RELN: variants seen among roughly 807,000 people sequenced by gnomAD.
The protein encoded by RELN is reelin.
In RELN, 108 loss-of-function variants were observed where a neutral mutation model predicts 427.6. The observed-to-expected ratio is 0.25, with a 90% CI of 0.22 to 0.30. The LOEUF (loss-of-function observed/expected upper bound fraction) is 0.30. Ranked by LOEUF, RELN falls within the 10% of genes least tolerant of loss-of-function variation. The pLI, the probability that RELN is intolerant of heterozygous loss-of-function variation, is 1.00. For synonymous variants in RELN, 1,524 were observed against 1,513.4 expected (o/e 1.01, Z -0.16); for missense variants, 3,715 against 4,302.8 (o/e 0.86, Z 3.82).
intron 1 of RELN, among the ~76,000 whole-genome samples, chr7:103,958,878 T>C (rs1293404813): frequency 6.6e-6 from 1 of 152,208 alleles, no homozygotes; most frequent in Non-Finnish European, 1.5e-5. Context: ...TATTTCCTTT[T>C]CCACTTTACA....
At chr7:103,946,651 T>TTA (rs1796225851) in intron 1 of RELN, among the ~76,000 whole-genome samples, 1 of 152,236 alleles carries the variant, frequency 6.6e-6, no homozygotes, top group Admixed American at 6.5e-5. Flanking sequence ...TACACTTTAC[T>TTA]ATGTCTCTTA....
intron 6 of RELN, among the ~76,000 whole-genome samples, chr7:103,747,171 C>A (rs769842636): frequency 3.8e-4 from 57 of 151,058 alleles, no homozygotes; most frequent in Non-Finnish European, 5.9e-4. Context: ...GGACAAAAAA[C>A]CAAACACCGC....
chr7:103,512,827 A>AGGTG lies in RELN; in HGVS notation c.8120-1826_8120-1823dup, dbSNP rs1829459811. ...CCCAGCATTTCCAGGGAAGCTGAAC[A>AGGTG]GGTGCAGCCGGAGGCTTGGAGCCAC... On this transcript the variant is annotated intron_variant, in intron 50 of 64. Transcript: ENST00000428762. 5 of 152,386 alleles carry AGGTG rather than the reference A, an allele frequency of 3.3e-5. No individual in the cohort carries two copies. In the South Asian group the frequency reaches 1.0e-3, roughly 32 times the overall value. 9.4% of individuals were successfully genotyped at this position (152,386 alleles called of 1,614,324 possible).
chr7:103,989,442 G>T lies in RELN; in HGVS notation c.-86C>A. On this transcript the variant is annotated 5_prime_UTR_variant, in exon 1 of 65. Coordinates refer to ENST00000428762, the MANE Select transcript of RELN (RefSeq NM_005045.4). This position sits in a 1 kb window ranked among gnomAD's most constrained non-coding sequence, Gnocchi z 4.9. ...AGACGCCGGGACGGAGGAGCCACGCGGAGAGAAGGCGAGAAGAAGGCGGAC... is the reference window on the plus strand; with the variant it reads ...AGACGCCGGGACGGAGGAGCCACGCTGAGAGAAGGCGAGAAGAAGGCGGAC... 1 of 1,181,984 alleles carries T rather than the reference G, an allele frequency of 8.5e-7. No individual in the cohort carries two copies. Among genetic ancestry groups the T allele is most frequent in the Non-Finnish European group, 1.1e-6 (1 of 907,548 alleles). 73.2% of individuals were successfully genotyped at this position (1,181,984 alleles called of 1,614,324 possible). A position where few individuals can be genotyped will look rare whatever the true frequency, so the allele number is the denominator to read the frequency against.
intron 41 of RELN, among the ~76,000 whole-genome samples, chr7:103,546,630 A>G (rs1469166041): frequency 6.6e-6 from 1 of 152,202 alleles, no homozygotes; most frequent in Non-Finnish European, 1.5e-5. Context: ...AGCTGGAGTT[A>G]CTTAAAAGTG....
At chr7:103,944,855 T>C (rs1796187707) in intron 1 of RELN, among the ~76,000 whole-genome samples, 1 of 152,118 alleles carries the variant, frequency 6.6e-6, no homozygotes, top group South Asian at 2.1e-4. Context: ...CCCCAGGCTG[T>C]TTCGGTTTGG....
chr7:103,604,322 C>T (rs1386345221), intron 23 of RELN, 24 bp downstream of exon 23: 1 of 1,613,492 alleles, frequency 6.2e-7, no homozygotes, highest in Non-Finnish European at 8.5e-7. Context: ...GCATGGACCT[C>T]ATCGTGCTTT....
At position 103,497,895 on chromosome 7, in the gene RELN, C is replaced by T. The variant is rs745762153; in HGVS notation, c.8875G>A (p.Glu2959Lys). 1.2e-6 allele frequency: 2 copies of T among 1,614,142 alleles called. No individual in the cohort carries two copies. Among genetic ancestry groups the T allele is most frequent in the South Asian group, 2.2e-5 (2 of 91,082 alleles). ...CGATGGCAAGAGGTCATGTTGTTCTCACTACCGATGCGCCCCCAGTATTGC... is the reference window on the plus strand; with the variant it reads ...CGATGGCAAGAGGTCATGTTGTTCTTACTACCGATGCGCCCCCAGTATTGC... ...FLQYWGRIGS[E>K]NNMTSCHRPI... Residue 2959 changes from glutamate (E) to lysine (K), a missense_variant, in exon 55 of 65, where the codon GAG becomes AAG. Around this residue, in one of 4 missense-constraint regions of RELN, gnomAD observed 1,310 missense variants for 1,643.0 expected, o/e 0.80. Transcript: ENST00000428762.
chr7:103,926,904 C>T (rs1025286187), intron 1 of RELN, among the ~76,000 whole-genome samples: 2 of 152,116 alleles, frequency 1.3e-5, no homozygotes, highest in African/African-American at 4.8e-5. Flanking sequence ...CTTGGCCTCC[C>T]AAAGTGCTGG....
In RELN at chr7:103,636,446, G is replaced by A. The variant is rs1413453665; in HGVS notation, c.2092C>T (p.Pro698Ser). 1.9e-6 allele frequency: 3 copies of A among 1,613,326 alleles called. No homozygotes were observed. Among genetic ancestry groups the A allele is most frequent in the Non-Finnish European group, 2.5e-6 (3 of 1,179,470 alleles). ...GTCTGGGATGCCATCTCACAAGCTG[G>A]GCCAGAAAATCCAGGGTCACACCTG... ...GCKCDPGFSG[P>S]ACEMASQTFP... is the part of the protein sequence containing the mutation. Residue 698 changes from proline to serine, a missense_variant, in exon 18 of 65, where the codon CCA becomes TCA. Pro to Ser is a moderately conservative substitution (Grantham distance 74). Around this residue, in one of 4 missense-constraint regions of RELN, gnomAD observed 2,208 missense variants for 2,361.7 expected, o/e 0.93. Transcript: ENST00000428762.
chr7:103,900,093 A>G (rs1795050765), intron 2 of RELN, among the ~76,000 whole-genome samples: 1 of 152,240 alleles, frequency 6.6e-6, no homozygotes, highest in Admixed American at 6.5e-5. Context: ...TAGCAACTTC[A>G]GCAAAGTCTC....
At chr7:103,878,893 T>C (rs965184711) in intron 2 of RELN, among the ~76,000 whole-genome samples, 2 of 152,180 alleles carry the variant, frequency 1.3e-5, no homozygotes, top group East Asian at 1.9e-4. Context: ...AGCAGGCAGA[T>C]AATCAGAGTT....
rs1796374161 is a variant in RELN, at chr7:103,953,536, T to G, written c.226+35595A>C. Among the ~76,000 whole-genome samples the G allele has an allele frequency of 6.6e-6, 1 of 152,222 alleles. No homozygotes were observed. Among genetic ancestry groups the G allele is most frequent in the African/African-American group, 2.4e-5 (1 of 41,464 alleles). On this transcript the variant is annotated intron_variant, in intron 1 of 64. Transcript: ENST00000428762. This position sits in a 1 kb window ranked among gnomAD's most constrained non-coding sequence, Gnocchi z 4.3. The stretch of plus-strand genomic sequence containing the variant: ...GGGGGACATACACACACACAGAATT[T>G]TATATAAAGAATATTAAATATGCCA...
At chr7:103,494,716 T>C (rs1828781360) in intron 57 of RELN, among the ~76,000 whole-genome samples, 1 of 151,438 alleles carries the variant, frequency 6.6e-6, no homozygotes, top group Admixed American at 6.6e-5. Context: ...TCTGAGTGTC[T>C]ATTAATTATT....
chr7:103,928,333 A>G (rs775202296), intron 1 of RELN, among the ~76,000 whole-genome samples: 2 of 152,206 alleles, frequency 1.3e-5, no homozygotes, highest in Non-Finnish European at 2.9e-5. Context: ...TCTCCCAAAG[A>G]TCATTTTACT....
chr7:103,948,800 G>C (rs1199929991), intron 1 of RELN, among the ~76,000 whole-genome samples: 3 of 151,972 alleles, frequency 2.0e-5, no homozygotes, highest in African/African-American at 7.3e-5. Context: ...GATCACTTAA[G>C]CCCAGGAATT....
At chr7:103,805,066 G>A (rs1233385047) in intron 3 of RELN, among the ~76,000 whole-genome samples, 1 of 140,540 alleles carries the variant, frequency 7.1e-6, no homozygotes, top group Non-Finnish European at 1.6e-5. Context: ...ATTCCCTCAG[G>A]TTGAGTGGAA....
At chr7:103,902,632 C>T (rs900518039) in intron 2 of RELN, among the ~76,000 whole-genome samples, 7 of 152,176 alleles carry the variant, frequency 4.6e-5, no homozygotes, top group South Asian at 2.1e-4. Flanking sequence ...AAGTATCTTT[C>T]CATTCAGACA....
chr7:103,565,255 T>C (rs772142195), intron 34 of RELN, 23 bp downstream of exon 34: 1 of 1,613,810 alleles, frequency 6.2e-7, no homozygotes, highest in South Asian at 1.1e-5. Flanking sequence ...AGTTCTGACA[T>C]GTAGCCAAAT....
Sources: allele counts gnomAD v4.1 joint callset (sites outside exome capture counted in the v4.1 genomes callset), GRCh38; gene constraint gnomAD v4.1.1; regional missense constraint gnomAD v4.1.1; non-coding constraint Gnocchi (gnomAD v3.1); transcripts MANE v1.5; gene names NCBI Gene and HGNC (gene_info 2026-07-23, HGNC 2026-07-21).